The following BRAF variants were observed in gnomAD, a reference collection of about 807,000 sequenced individuals.
BRAF encodes serine/threonine-protein kinase B-raf.
A neutral mutation model predicts 104.6 loss-of-function variants in BRAF; 16 were observed. That is an observed-to-expected ratio of 0.15 (90% confidence interval 0.10 to 0.23). The LOEUF (loss-of-function observed/expected upper bound fraction) is 0.23. Among genes scored for constraint, BRAF ranks in the 10% least tolerant of loss-of-function variants. The pLI is 1.00. For synonymous variants in BRAF, 310 were observed against 341.6 expected (o/e 0.91, Z 1.02); for missense variants, 541 against 937.3 (o/e 0.58, Z 5.52).
chr7:140,788,147 T>C (rs566361547), intron 8 of BRAF, among the ~76,000 whole-genome samples: 3 of 152,036 alleles, frequency 2.0e-5, no homozygotes, highest in Non-Finnish European at 2.9e-5. Flanking sequence ...ACTTTGGAAA[T>C]AAATAAATTT....
At chr7:140,736,760 G>A (rs62487901) in intron 18 of BRAF, among the ~76,000 whole-genome samples, 8,643 of 151,884 alleles carry the variant, frequency 0.057, 297 homozygotes, top group South Asian at 0.11. Flanking sequence ...TATCAGGCTG[G>A]GCACTGGGGC....
chr7:140,800,138 C>T, intron 7 of BRAF: 1 of 636,968 alleles, frequency 1.6e-6, no homozygotes, highest in Non-Finnish European at 2.6e-6. Context: ...AAATCATACC[C>T]AATATTGATT....
chr7:140,744,439 G>C (rs932848999), intron 17 of BRAF, among the ~76,000 whole-genome samples: 2 of 152,186 alleles, frequency 1.3e-5, no homozygotes, highest in African/African-American at 4.8e-5. Context: ...ATTTTGATCT[G>C]TATTCTTTCA....
chr7:140,803,616 T>C (rs1310523330), intron 5 of BRAF, among the ~76,000 whole-genome samples: 1 of 152,164 alleles, frequency 6.6e-6, no homozygotes, highest in Admixed American at 6.5e-5. Flanking sequence ...TTAGAATGTT[T>C]GGGCCACATA....
chr7:140,749,353 A>G lies in BRAF; in HGVS notation c.2046T>C (p.Phe682=), dbSNP rs2128994453. 6.2e-7 allele frequency: 1 copy of G among 1,613,082 alleles called. No homozygotes were observed. Among genetic ancestry groups the G allele is most frequent in the Non-Finnish European group, 8.5e-7 (1 of 1,179,534 alleles). Residue 682 remains phenylalanine, a synonymous_variant, in exon 17 of 20, where the codon TTT becomes TTC. Coordinates refer to ENST00000644969, the MANE Select transcript of BRAF (RefSeq NM_001374258.1). ...TCATCAATTCATACAGAACAATTCC[A>G]AATGCATATACATCTGACTGAAAGC... ...PYSFQSDVYA[F]GIVLYELMTG...
rs1795354669 is a variant in BRAF at position 140,722,179 on chromosome 7, T to C, written c.*4315A>G. ...CTATATTTGCAACCTAGTTGCTCTA[T>C]GTGATAAATATATCTGACTATACTA... On this transcript the variant is annotated 3_prime_UTR_variant, in exon 20 of 20. Transcript: ENST00000644969. 1 of 1,060,478 alleles carries C rather than the reference T, an allele frequency of 9.4e-7. No individual in the cohort carries two copies. Among genetic ancestry groups the C allele is most frequent in the Non-Finnish European group, 1.1e-6 (1 of 876,096 alleles). The allele number at this position is 1,060,478 out of a possible 1,614,324, so 65.7% of individuals were successfully genotyped here. A position where few individuals can be genotyped will look rare whatever the true frequency, so the allele number is the denominator to read the frequency against.
At chr7:140,839,530 G>C (rs1807705945) in intron 2 of BRAF, among the ~76,000 whole-genome samples, 1 of 152,050 alleles carries the variant, frequency 6.6e-6, no homozygotes, top group East Asian at 1.9e-4. Flanking sequence ...AGGAGTTTGA[G>C]GCTAGCCTGG....
chr7:140,851,031 A>G (rs1809103685), intron 1 of BRAF, among the ~76,000 whole-genome samples: 1 of 152,208 alleles, frequency 6.6e-6, no homozygotes, highest in African/African-American at 2.4e-5. Flanking sequence ...CTTGAGAGAA[A>G]AGGGGGAAAA....
At chr7:140,786,518 T>C (rs1392108435) in intron 9 of BRAF, among the ~76,000 whole-genome samples, 1 of 152,084 alleles carries the variant, frequency 6.6e-6, no homozygotes, top group Non-Finnish European at 1.5e-5. Flanking sequence ...TATAAAACAT[T>C]ATATAGGGTA....
In BRAF at chr7:140,723,330, A is replaced by C. The variant is rs1795415475; in HGVS notation, c.*3164T>G. ...GTTGACAGTGCTGCAGTCTTGAATTATTTCTTTATATACTGCTCTTTCTTC... is the reference window on the plus strand; with the variant it reads ...GTTGACAGTGCTGCAGTCTTGAATTCTTTCTTTATATACTGCTCTTTCTTC... On this transcript the variant is annotated 3_prime_UTR_variant, in exon 20 of 20. Transcript: ENST00000644969. The C allele has an allele frequency of 1.4e-5, 15 of 1,055,458 alleles. No individual in the cohort carries two copies. The highest frequency in any genetic ancestry group is 9.1e-5 in the South Asian group (2 of 21,890). The allele number at this position is 1,055,458 out of a possible 1,614,324, so 65.4% of individuals were successfully genotyped here.
chr7:140,815,856 T>C (rs879150764), intron 3 of BRAF, among the ~76,000 whole-genome samples: 1 of 152,202 alleles, frequency 6.6e-6, no homozygotes, highest in Admixed American at 6.5e-5. Context: ...AAAGCAATTT[T>C]AGAATTAAGC....
At chr7:140,859,920 C>G (rs1231306233) in intron 1 of BRAF, among the ~76,000 whole-genome samples, 2 of 152,134 alleles carry the variant, frequency 1.3e-5, no homozygotes, top group African/African-American at 4.8e-5. Context: ...ATCTCTTGAC[C>G]TCGTGATCCG....
At chr7:140,900,107 A>G (rs1815430892) in intron 1 of BRAF, among the ~76,000 whole-genome samples, 1 of 152,244 alleles carries the variant, frequency 6.6e-6, no homozygotes, top group Non-Finnish European at 1.5e-5. Context: ...CCTGACCCAC[A>G]GAACTGTGAG....
chr7:140,761,370 A>C (rs1798711629), intron 14 of BRAF, among the ~76,000 whole-genome samples: 1 of 152,218 alleles, frequency 6.6e-6, no homozygotes, highest in African/African-American at 2.4e-5. Flanking sequence ...GCCTGCCCTA[A>C]AAGAACTCCT....
the BRAF span, among the ~76,000 whole-genome samples, chr7:140,713,957 G>A: frequency 2.0e-5 from 3 of 152,148 alleles, no homozygotes; most frequent in Non-Finnish European, 2.9e-5. Context: ...CTGCCTGATC[G>A]TTCTTCTGAA....
chr7:140,856,147 A>G (rs1057132022), intron 1 of BRAF, among the ~76,000 whole-genome samples: 2 of 150,022 alleles, frequency 1.3e-5, no homozygotes, highest in African/African-American at 4.9e-5. Context: ...AGCAAGAATA[A>G]TCATTAATTA....
chr7:140,790,064 G>A (rs1259897371), intron 8 of BRAF, among the ~76,000 whole-genome samples: 2 of 151,924 alleles, frequency 1.3e-5, no homozygotes, highest in African/African-American at 4.8e-5. Context: ...GATAACTATA[G>A]GACTTGGTCA....
intron 1 of BRAF, among the ~76,000 whole-genome samples, chr7:140,885,462 A>G (rs1324920018): frequency 1.3e-5 from 2 of 152,208 alleles, no homozygotes; most frequent in African/African-American, 4.8e-5. Flanking sequence ...ATGAAAAGGC[A>G]AATAGTATCT....
At chr7:140,744,910 A>T (rs1448312390) in intron 17 of BRAF, among the ~76,000 whole-genome samples, 1 of 152,144 alleles carries the variant, frequency 6.6e-6, no homozygotes, top group Non-Finnish European at 1.5e-5. Flanking sequence ...TTGAAGTCAC[A>T]ATTTTGTAAA....
Sources: allele counts gnomAD v4.1 joint callset (sites outside exome capture counted in the v4.1 genomes callset), GRCh38; gene constraint gnomAD v4.1.1; transcripts MANE v1.5; gene names NCBI Gene and HGNC (gene_info 2026-07-23, HGNC 2026-07-21).